The following THSD4 variants were observed in gnomAD, a reference collection of about 807,000 sequenced individuals.
THSD4 encodes thrombospondin type 1 domain containing 4, also known as thrombospondin type-1 domain-containing protein 4.
Under a neutral mutation model 119.0 loss-of-function variants are expected in THSD4, and 69 were observed. The ratio of observed to expected loss-of-function variants is 0.58; its 90% CI spans 0.48 to 0.71. The LOEUF (loss-of-function observed/expected upper bound fraction) is 0.71. THSD4 is among the 30% of genes least tolerant of loss of function. The pLI, the probability that THSD4 is intolerant of heterozygous loss-of-function variation, is 0.00. For synonymous variants in THSD4, 524 were observed against 540.4 expected (o/e 0.97, Z 0.42); for missense variants, 1,393 against 1,391.1 (o/e 1.00, Z -0.02).
At chr15:71,462,303 G>A (rs2047440510) in intron 7 of THSD4, among the ~76,000 whole-genome samples, 1 of 152,024 alleles carries the variant, frequency 6.6e-6, no homozygotes, top group African/African-American at 2.4e-5. Context: ...GAGATTACAA[G>A]CAAGCACCAG....
At chr15:71,368,926 G>A (rs62015543) in intron 6 of THSD4, among the ~76,000 whole-genome samples, 24,567 of 152,170 alleles carry the variant, frequency 0.16, 2,238 homozygotes, top group Admixed American at 0.24. Context: ...AGCATGGAAT[G>A]TTCTTCCATT....
At chr15:71,680,438 C>T (rs2051749876) in intron 8 of THSD4, among the ~76,000 whole-genome samples, 1 of 152,142 alleles carries the variant, frequency 6.6e-6, no homozygotes, top group African/African-American at 2.4e-5. Context: ...TGCGAGAAGA[C>T]CAATATTAAC....
At chr15:71,488,834 C>A (rs1318032348) in intron 7 of THSD4, among the ~76,000 whole-genome samples, 1 of 152,152 alleles carries the variant, frequency 6.6e-6, no homozygotes, top group Non-Finnish European at 1.5e-5. Context: ...GTATTTTGCC[C>A]CTGCAAAAGC....
At chr15:71,309,018 C>T (rs941363029) in intron 6 of THSD4, among the ~76,000 whole-genome samples, 7 of 152,196 alleles carry the variant, frequency 4.6e-5, no homozygotes, top group Middle Eastern at 3.2e-3. Flanking sequence ...GGCACTATCT[C>T]GGCTCACTGC....
chr15:71,647,894 G>C lies in THSD4; in HGVS notation c.1153-12636G>C, dbSNP rs868526048. On this transcript the variant is annotated intron_variant, in intron 7 of 17. Transcript: ENST00000261862. ...AGCAGTGTGGCCAGGCCTCGTGGGA[G>C]GGGAGGCCTCGGATTGGGAGTAAAG... Among the ~76,000 whole-genome samples, 4 of 152,200 alleles carry C rather than the reference G, an allele frequency of 2.6e-5. No individual in the cohort carries two copies. In the South Asian group the frequency reaches 6.2e-4, roughly 24 times the overall value.
intron 7 of THSD4, among the ~76,000 whole-genome samples, chr15:71,429,544 C>T (rs2140529985): frequency 6.6e-6 from 1 of 152,300 alleles, no homozygotes; most frequent in Middle Eastern, 3.4e-3. Flanking sequence ...TGGGTCTTGA[C>T]TTTGGGCAAA....
chr15:71,279,010 C>A (rs1187836822), intron 6 of THSD4, among the ~76,000 whole-genome samples: 2 of 152,158 alleles, frequency 1.3e-5, no homozygotes, highest in Admixed American at 6.5e-5. Flanking sequence ...TTAAACGGAG[C>A]AGCCTATTAA....
At chr15:71,118,423 CA>C (rs1484603813) in intron 1 of THSD4, among the ~76,000 whole-genome samples, 1 of 152,120 alleles carries the variant, frequency 6.6e-6, no homozygotes, top group Non-Finnish European at 1.5e-5. Context: ...CTTTCTTGCA[CA>C]CACTCCTGTG....
chr15:71,586,770 C>A (rs541566412), intron 7 of THSD4, among the ~76,000 whole-genome samples: 73 of 152,328 alleles, frequency 4.8e-4, no homozygotes, highest in African/African-American at 1.7e-3. Flanking sequence ...GTATGCAGTA[C>A]AGCAGAAGCA....
In THSD4 at chr15:71,765,187, C is replaced by T. The variant is rs757739165; in HGVS notation, c.2757C>T (p.Thr919=). 17 of 1,613,790 alleles carry T rather than the reference C, an allele frequency of 1.1e-5. No homozygotes were observed. Among genetic ancestry groups the T allele is most frequent in the Admixed American group, 1.7e-5 (1 of 59,986 alleles). ...LKPCGAKWFS[T]EWSMCSKSCQ... is the part of the protein sequence containing the mutation. ...CTTGCGGAGCCAAATGGTTTAGCAC[C>T]GAATGGAGCATGGTAAGTCATGGTG... Residue 919 remains threonine, a synonymous_variant, in exon 16 of 18, where the codon ACC becomes ACT. Coordinates refer to ENST00000261862, the MANE Select transcript of THSD4 (RefSeq NM_024817.3).
chr15:71,301,457 A>G (rs1037107521), intron 6 of THSD4, among the ~76,000 whole-genome samples: 1 of 152,124 alleles, frequency 6.6e-6, no homozygotes, highest in Non-Finnish European at 1.5e-5. Context: ...CAATGTGACT[A>G]TCTTTGAACA....
At chr15:71,406,599 T>A (rs1336627794) in intron 6 of THSD4, among the ~76,000 whole-genome samples, 1 of 152,002 alleles carries the variant, frequency 6.6e-6, no homozygotes, top group Non-Finnish European at 1.5e-5. Context: ...AAACTACCGT[T>A]GTATTATTGT....
intron 7 of THSD4, among the ~76,000 whole-genome samples, chr15:71,462,385 G>A (rs2047441442): frequency 6.6e-6 from 1 of 152,036 alleles, no homozygotes; most frequent in South Asian, 2.1e-4. Context: ...TCAAACTCCT[G>A]GGCTCAAGTG....
chr15:71,702,403 T>C (rs2052308798), intron 8 of THSD4, among the ~76,000 whole-genome samples: 1 of 152,098 alleles, frequency 6.6e-6, no homozygotes, highest in African/African-American at 2.4e-5. Context: ...ATCCTTTTGT[T>C]CAATCCTAAC....
chr15:71,584,395 A>C lies in THSD4; in HGVS notation c.1153-76135A>C, dbSNP rs550553610. ...GTGATTCTCCTGCCTCAGCCTCCTA[A>C]GTAGCTGGGATTACAGGCGTCTACC... On this transcript the variant is annotated intron_variant, in intron 7 of 17. Coordinates refer to ENST00000261862, the MANE Select transcript of THSD4 (RefSeq NM_024817.3). 4.7e-5 allele frequency among the ~76,000 whole-genome samples: 7 copies of C among 150,524 alleles called. No individual in the cohort carries two copies. In the South Asian group the frequency reaches 1.5e-3, roughly 31 times the overall value.
At chr15:71,677,524 C>A (rs1243721612) in intron 8 of THSD4, among the ~76,000 whole-genome samples, 18 of 152,190 alleles carry the variant, frequency 1.2e-4, no homozygotes, top group Admixed American at 3.9e-4. Context: ...TGGTGTCTGA[C>A]AGCGCACCTC....
chr15:71,234,550 C>T (rs1294229435), intron 4 of THSD4, among the ~76,000 whole-genome samples: 1 of 152,192 alleles, frequency 6.6e-6, no homozygotes, highest in Non-Finnish European at 1.5e-5. Context: ...AGGTGATCCA[C>T]TTGCTTTGGC....
intron 7 of THSD4, among the ~76,000 whole-genome samples, chr15:71,571,854 T>A (rs2049365040): frequency 6.6e-6 from 1 of 152,214 alleles, no homozygotes; most frequent in Non-Finnish European, 1.5e-5. Flanking sequence ...GCTGCTGGGG[T>A]TGGCCACAAA....
intron 6 of THSD4, among the ~76,000 whole-genome samples, chr15:71,347,179 T>G (rs978787418): frequency 6.6e-6 from 1 of 152,138 alleles, no homozygotes; most frequent in Admixed American, 6.5e-5. Context: ...CGGCTCATTC[T>G]CATTTTCTCT....
Sources: allele counts gnomAD v4.1 joint callset (sites outside exome capture counted in the v4.1 genomes callset), GRCh38; gene constraint gnomAD v4.1.1; transcripts MANE v1.5; gene names NCBI Gene and HGNC (gene_info 2026-07-23, HGNC 2026-07-21).